EPHA4: variants seen among roughly 807,000 people sequenced by gnomAD.
The protein encoded by EPHA4 is ephrin type-A receptor 4.
EPHA4 carries 19 observed loss-of-function variants against 108.3 expected under a neutral mutation model. The ratio of observed to expected loss-of-function variants is 0.18; its 90% CI spans 0.12 to 0.26. The LOEUF (loss-of-function observed/expected upper bound fraction) is 0.26, where lower values mean the gene tolerates loss of function less well. EPHA4 is among the 10% of genes least tolerant of loss of function. The pLI is 1.00. For synonymous variants in EPHA4, 449 were observed against 455.5 expected, an observed-to-expected ratio of 0.99 and a Z score of 0.18; for missense variants, 917 against 1,254.0, an observed-to-expected ratio of 0.73 and a Z score of 4.06.
intron 5 of EPHA4, among the ~76,000 whole-genome samples, chr2:221,460,166 C>G (rs1446195662): frequency 1.3e-5 from 2 of 152,006 alleles, no homozygotes; most frequent in Non-Finnish European, 2.9e-5. Context: ...CTAATGCAGC[C>G]CTACTTGGGA....
At chr2:221,440,030 T>G (rs1690368094) in intron 11 of EPHA4, among the ~76,000 whole-genome samples, 1 of 152,172 alleles carries the variant, frequency 6.6e-6, no homozygotes, top group South Asian at 2.1e-4. Context: ...TCAGATCCTT[T>G]ATGAGCTCTA....
intron 3 of EPHA4, among the ~76,000 whole-genome samples, chr2:221,547,004 A>G (rs954636426): frequency 7.2e-5 from 11 of 152,312 alleles, no homozygotes; most frequent in Admixed American, 5.2e-4. Flanking sequence ...TACTGGCTCT[A>G]CTGAGCTGAA....
chr2:221,522,120 T>C lies in EPHA4; in HGVS notation c.824-20948A>G, dbSNP rs576144108. On this transcript the variant is annotated intron_variant, in intron 3 of 17. Coordinates refer to ENST00000281821, the MANE Select transcript of EPHA4 (RefSeq NM_004438.5). ...CTTCAAATATGCATTCTCATTTAAT[T>C]CTCACCATTTTCCCTTGATATAGAC... 3.3e-5 allele frequency among the ~76,000 whole-genome samples: 5 copies of C among 152,314 alleles called. No homozygotes were observed. In the East Asian group the frequency reaches 9.6e-4, roughly 29 times the overall value.
At chr2:221,510,267 C>A (rs892656116) in intron 3 of EPHA4, among the ~76,000 whole-genome samples, 2 of 152,154 alleles carry the variant, frequency 1.3e-5, no homozygotes, top group African/African-American at 2.4e-5. Flanking sequence ...CTCATAGCAT[C>A]TGCAGTTTAG....
intron 4 of EPHA4, among the ~76,000 whole-genome samples, chr2:221,484,114 G>A (rs1298815169): frequency 6.6e-6 from 1 of 152,144 alleles, no homozygotes; most frequent in Non-Finnish European, 1.5e-5. Context: ...AAGTTTCTCA[G>A]GAAAAGAAAG....
intron 3 of EPHA4, among the ~76,000 whole-genome samples, chr2:221,552,369 T>G (rs1183843541): frequency 6.6e-6 from 1 of 152,196 alleles, no homozygotes; most frequent in African/African-American, 2.4e-5. Context: ...CAATTCCTCT[T>G]GCATCCATTT....
intron 4 of EPHA4, among the ~76,000 whole-genome samples, chr2:221,485,991 C>T (rs1158732167): frequency 6.6e-6 from 1 of 152,062 alleles, no homozygotes; most frequent in Non-Finnish European, 1.5e-5. Context: ...AACCTAACTC[C>T]GATTATTTTC....
At chr2:221,481,821 T>G (rs963684891) in intron 5 of EPHA4, among the ~76,000 whole-genome samples, 3 of 152,200 alleles carry the variant, frequency 2.0e-5, no homozygotes, top group African/African-American at 7.2e-5. Context: ...TGCTAATGCT[T>G]TTGTTAGAAA....
At chr2:221,473,870 A>T (rs3821025) in intron 5 of EPHA4, among the ~76,000 whole-genome samples, 25,917 of 152,160 alleles carry the variant, frequency 0.17, 2,527 homozygotes, top group East Asian at 0.27. Flanking sequence ...GAACAAGCAC[A>T]ACACTGAGAG....
intron 4 of EPHA4, among the ~76,000 whole-genome samples, chr2:221,486,666 G>A (rs1002001913): frequency 4.6e-5 from 7 of 151,398 alleles, no homozygotes; most frequent in South Asian, 4.2e-4. Context: ...CCTGGGAGGC[G>A]GAGGTTGCAG....
intron 3 of EPHA4, among the ~76,000 whole-genome samples, chr2:221,506,946 T>G (rs1398122634): frequency 6.6e-6 from 1 of 152,228 alleles, no homozygotes; most frequent in Middle Eastern, 3.2e-3. Context: ...AATTCTTTGT[T>G]GGAGAGAGAA....
chr2:221,524,240 G>A (rs1047007676), intron 3 of EPHA4, among the ~76,000 whole-genome samples: 2 of 152,186 alleles, frequency 1.3e-5, no homozygotes, highest in African/African-American at 4.8e-5. Flanking sequence ...CCACTTCTTA[G>A]CACCAGTATC....
intron 4 of EPHA4, among the ~76,000 whole-genome samples, chr2:221,489,412 A>C (rs1692076262): frequency 6.6e-6 from 1 of 152,232 alleles, no homozygotes; most frequent in Non-Finnish European, 1.5e-5. Flanking sequence ...GTCAACTTTA[A>C]AACTCACATT....
At chr2:221,433,206 A>C (rs1203225601) in intron 14 of EPHA4, among the ~76,000 whole-genome samples, 1 of 152,206 alleles carries the variant, frequency 6.6e-6, no homozygotes, top group African/African-American at 2.4e-5. Context: ...AGGCTGTGCA[A>C]CTGCCTGTTG....
At chr2:221,476,374 C>T (rs1691654136) in intron 5 of EPHA4, among the ~76,000 whole-genome samples, 1 of 152,150 alleles carries the variant, frequency 6.6e-6, no homozygotes, top group Non-Finnish European at 1.5e-5. Context: ...GACTTCCCAA[C>T]ATCTCATCTT....
intron 15 of EPHA4, 84 bp from the exon 16 acceptor site, chr2:221,426,703 C>T (rs1029389841): frequency 3.2e-6 from 4 of 1,236,678 alleles, no homozygotes; most frequent in African/African-American, 3.1e-5. Context: ...CTCAAATAGG[C>T]AAGGAGAACT....
rs116754551 is a variant in EPHA4, at chr2:221,456,992, C to T, written c.1444-220G>A. 5.9e-3 allele frequency among the ~76,000 whole-genome samples: 895 copies of T among 152,214 alleles called. 7 individuals carry two copies. The highest frequency in any genetic ancestry group is 0.02 in the African/African-American group (846 of 41,524). On this transcript the variant is annotated intron_variant, in intron 6 of 17. Transcript: ENST00000281821. ...CAAATTCAGGTATGATTGTTATTGA[C>T]GCTGACCATATCCAGATCTTTCCTC... is the stretch of plus-strand genomic sequence containing the variant.
At chr2:221,424,651 C>T (rs761712449) in intron 17 of EPHA4, among the ~76,000 whole-genome samples, 12 of 152,232 alleles carry the variant, frequency 7.9e-5, no homozygotes, top group South Asian at 2.1e-4. Flanking sequence ...ATGAGAAAGC[C>T]GAGGCGAGTT....
chr2:221,455,623 T>A lies in EPHA4; in HGVS notation c.1639A>T (p.Thr547Ser), dbSNP rs1690920149. The change falls in exon 8 of 18, where the codon ACA (threonine) becomes TCA (serine). Residue 547 changes from threonine to serine, a missense_variant. Physicochemically the swap from Thr to Ser is moderately conservative, Grantham distance 58. Coordinates refer to ENST00000281821, the MANE Select transcript of EPHA4 (RefSeq NM_004438.5). Reference sequence around the variant, plus strand: ...CCCGAGACAGAGACCAGAAGGACTGTGGAGTTAGCCCCATCTCCAATGATC... The same window carrying A: ...CCCGAGACAGAGACCAGAAGGACTGAGGAGTTAGCCCCATCTCCAATGATC... Reference protein sequence around the residue: ...SRIIGDGANSTVLLVSVSGSV... With the variant: ...SRIIGDGANSSVLLVSVSGSV... The A allele has an allele frequency of 6.2e-7, 1 of 1,613,718 alleles. No individual in the cohort carries two copies. The highest frequency in any genetic ancestry group is 1.3e-5 in the African/African-American group (1 of 74,890).
Sources: gnomAD v4.1 joint callset for allele counts (sites outside exome capture counted in the v4.1 genomes callset) on GRCh38, gnomAD v4.1.1 for gene constraint, MANE v1.5 for transcripts, NCBI Gene and HGNC (gene_info 2026-07-23, HGNC 2026-07-21) for gene names.